Variants in PI4KB observed in about 807,000 individuals in gnomAD.
The protein encoded by PI4KB is phosphatidylinositol 4-kinase beta.
A neutral mutation model predicts 81.4 loss-of-function variants in PI4KB; 23 were observed. The ratio of observed to expected loss-of-function variants is 0.28; its 90% CI spans 0.20 to 0.40. The LOEUF (loss-of-function observed/expected upper bound fraction) is 0.40, where lower values mean the gene tolerates loss of function less well. Among genes scored for constraint, PI4KB ranks in the 10% least tolerant of loss-of-function variants. The pLI is 1.00. For missense variants in PI4KB, 651 were observed against 1,036.6 expected (o/e 0.63, Z 5.11); for synonymous variants, 381 against 406.8 (o/e 0.94, Z 0.76).
At chr1:151,310,171 G>A (rs1339985826) in intron 3 of PI4KB, 40 bp downstream of exon 3, 8 of 1,496,954 alleles carry the variant, frequency 5.3e-6, no homozygotes, top group African/African-American at 1.4e-5. Flanking sequence ...TGCGGCCACT[G>A]GGGGAGCCTG....
chr1:151,316,829 G>A (rs899829943), intron 1 of PI4KB, among the ~76,000 whole-genome samples: 2 of 152,112 alleles, frequency 1.3e-5, no homozygotes, highest in African/African-American at 2.4e-5. Context: ...TGTTGTTGTT[G>A]TTGTTGTTGT....
intron 1 of PI4KB, among the ~76,000 whole-genome samples, chr1:151,321,621 C>T (rs1383533090): frequency 1.3e-5 from 2 of 151,800 alleles, no homozygotes; most frequent in Non-Finnish European, 2.9e-5. Flanking sequence ...CGCCTGTAAT[C>T]CCAGCACTTT....
chr1:151,313,363 T>C lies in PI4KB; in HGVS notation c.909+2210A>G, dbSNP rs191528388. On this transcript the variant is annotated intron_variant, in intron 2 of 11. Coordinates refer to ENST00000368873, the MANE Select transcript of PI4KB (RefSeq NM_001369623.2). ...CTAAATGATGTAAGTATTCACCTAA[T>C]ACCTGCCTCTCAGTGCCATCCATAA... Among the ~76,000 whole-genome samples the C allele has an allele frequency of 5.2e-3, 799 of 152,252 alleles. 23 individuals carry two copies. Among genetic ancestry groups the C allele is most frequent in the Admixed American group, 0.047 (718 of 15,276 alleles).
rs1212802910 is a variant in PI4KB, at chr1:151,294,522, A to C, written c.2035T>G (p.Leu679Val). 6.2e-7 allele frequency: 1 copy of C among 1,613,982 alleles called. No individual in the cohort carries two copies. The highest frequency in any genetic ancestry group is 8.5e-7 in the Non-Finnish European group (1 of 1,179,996). ...VKDRHNGNIL[L>V]DAEGHIIHID... Reference sequence around the variant, plus strand: ...TGGATGATGTGGCCTTCTGCGTCCAAAAGGATATTCCCATTGTGTCTGAGG... The same window carrying C: ...TGGATGATGTGGCCTTCTGCGTCCACAAGGATATTCCCATTGTGTCTGAGG... Residue 679 changes from leucine to valine, a missense_variant, in exon 10 of 12, where the codon TTG (leucine) becomes GTG (valine). Around this residue, in one of 5 missense-constraint regions of PI4KB, gnomAD observed 19 missense variants for 77.8 expected, o/e 0.24. Coordinates refer to ENST00000368873, the MANE Select transcript of PI4KB (RefSeq NM_001369623.2).
intron 9 of PI4KB, among the ~76,000 whole-genome samples, chr1:151,295,257 G>A (rs1188326958): frequency 6.6e-6 from 1 of 152,190 alleles, no homozygotes; most frequent in African/African-American, 2.4e-5. Context: ...CAGCATAACT[G>A]GCCTACTCAG....
At chr1:151,303,705 C>T in intron 5 of PI4KB, 55 bp from the exon 6 acceptor site, 1 of 1,113,458 alleles carries the variant, frequency 9.0e-7, no homozygotes, top group East Asian at 2.4e-5. Context: ...TCCCGTCTTT[C>T]CCCTCCTGCT....
At chr1:151,308,993 A>G (rs929634767) in intron 3 of PI4KB, among the ~76,000 whole-genome samples, 1 of 152,248 alleles carries the variant, frequency 6.6e-6, no homozygotes, top group Non-Finnish European at 1.5e-5. Flanking sequence ...GGAAAAGCTC[A>G]TTCCAGCCTC....
At chr1:151,293,359 T>C (rs1385624475) in intron 11 of PI4KB, 6 of 1,340,462 alleles carry the variant, frequency 4.5e-6, no homozygotes, top group Non-Finnish European at 3.0e-6. Flanking sequence ...TGGGCACTTA[T>C]CTGGTTGCAG....
At chr1:151,300,412 G>GCCTGGC (rs1695161381) in intron 8 of PI4KB, among the ~76,000 whole-genome samples, 1 of 152,188 alleles carries the variant, frequency 6.6e-6, no homozygotes, top group Admixed American at 6.5e-5. Context: ...TTCGAGACCA[G>GCCTGGC]CCTGGCTCAC....
chr1:151,293,431 A>G, intron 11 of PI4KB: 1 of 1,257,586 alleles, frequency 8.0e-7, no homozygotes, highest in South Asian at 1.4e-5. Context: ...TCATGGGGCC[A>G]GATGGGGATG....
At position 151,296,115 on chromosome 1, in the gene PI4KB, G is replaced by A. The variant is rs113393617; in HGVS notation, c.2016-1574C>T. On this transcript the variant is annotated intron_variant, in intron 9 of 11. Coordinates refer to ENST00000368873, the MANE Select transcript of PI4KB (RefSeq NM_001369623.2). ...ACAAAAATTAGCTGGGCGTGGTGGC[G>A]CATGCCTGTAATCCCAGCTAATCAG... is the stretch of plus-strand genomic sequence containing the variant. 9.2e-5 allele frequency among the ~76,000 whole-genome samples: 14 copies of A among 152,182 alleles called. 1 individual carries two copies. The highest frequency in any genetic ancestry group is 3.4e-4 in the African/African-American group (14 of 41,522).
rs180835938 is a variant in PI4KB, at chr1:151,294,649, T to G, written c.2016-108A>C. 7 of 988,792 alleles carry G rather than the reference T, an allele frequency of 7.1e-6. No homozygotes were observed. In the East Asian group the frequency reaches 1.7e-4, roughly 24 times the overall value. The allele number at this position is 988,792 out of a possible 1,614,324, so 61.3% of individuals were successfully genotyped here. A position where few individuals can be genotyped will look rare whatever the true frequency, so the allele number is the denominator to read the frequency against. Reference sequence around the variant, plus strand: ...CATGACACCAGGGAGGGGGGTCCCCTGCCATGTTTCCTGCTGCCCGTAACT... The same window carrying G: ...CATGACACCAGGGAGGGGGGTCCCCGGCCATGTTTCCTGCTGCCCGTAACT... On this transcript the variant is annotated intron_variant, in intron 9 of 11. Transcript: ENST00000368873.
At chr1:151,312,044 G>A (rs587759698) in intron 2 of PI4KB, among the ~76,000 whole-genome samples, 1 of 152,216 alleles carries the variant, frequency 6.6e-6, no homozygotes, top group African/African-American at 2.4e-5. Context: ...AGAGTTCCCC[G>A]ACTAGGCTGA....
At chr1:151,319,961 T>C (rs545865170) in intron 1 of PI4KB, among the ~76,000 whole-genome samples, 4 of 152,352 alleles carry the variant, frequency 2.6e-5, no homozygotes, top group East Asian at 3.9e-4. Context: ...AGAGATTCTT[T>C]AGTCCCTCTG....
chr1:151,314,260 CA>C (rs1412652492), intron 2 of PI4KB, among the ~76,000 whole-genome samples: 2 of 152,178 alleles, frequency 1.3e-5, no homozygotes, highest in Non-Finnish European at 2.9e-5. Flanking sequence ...CCGCATTTTT[CA>C]AAAAGTGCAA....
intron 1 of PI4KB, chr1:151,324,988 C>CTT (rs572033691): frequency 9.2e-3 from 3,376 of 367,862 alleles, no homozygotes; most frequent in Middle Eastern, 0.013. Flanking sequence ...AGGAAAGCTG[C>CTT]TTTTTTTTTT....
In PI4KB at chr1:151,327,286, G is replaced by A. The variant is rs2102039859; in HGVS notation, c.-44C>T. The A allele has an allele frequency of 2.0e-5, 3 of 150,090 alleles. No individual in the cohort carries two copies. The highest frequency in any genetic ancestry group is 3.0e-4 in the East Asian group (2 of 6,592). The allele number at this position is 150,090 out of a possible 1,614,324, so 9.3% of individuals were successfully genotyped here. A position where few individuals can be genotyped will look rare whatever the true frequency, so the allele number is the denominator to read the frequency against. On this transcript the variant is annotated 5_prime_UTR_variant, in exon 1 of 12. Coordinates refer to ENST00000368873, the MANE Select transcript of PI4KB (RefSeq NM_001369623.2). ...AGTAGCTTACCTCTGGGGGACCCCCGCGGAGGGGGTGCGGGCAGTCGCGGT... is the reference window on the plus strand; with the variant it reads ...AGTAGCTTACCTCTGGGGGACCCCCACGGAGGGGGTGCGGGCAGTCGCGGT...
At position 151,316,178 on chromosome 1, in the gene PI4KB, C is replaced by G; in HGVS notation, c.304G>C (p.Asp102His). Residue 102 changes from aspartate (D) to histidine (H), a missense_variant, in exon 2 of 12, where the codon GAT becomes CAT. Physicochemically the swap from Asp to His is moderately conservative, Grantham distance 81. This residue lies in a region of PI4KB where 314 missense variants were observed against 397.8 expected (regional missense o/e 0.79). Transcript: ENST00000368873. Reference protein sequence around the residue: ...DPPAQIREEEDEMGAAVASGT... With the variant: ...DPPAQIREEEHEMGAAVASGT... The stretch of plus-strand genomic sequence containing the variant: ...GAGGCCACAGCGGCCCCCATCTCAT[C>G]TTCCTCCTCCCTGATCTGGGCAGGT... The G allele has an allele frequency of 1.2e-6, 2 of 1,614,064 alleles. No individual in the cohort carries two copies. The highest frequency in any genetic ancestry group is 1.7e-6 in the Non-Finnish European group (2 of 1,179,920).
chr1:151,317,630 C>A (rs1405446363), intron 1 of PI4KB, among the ~76,000 whole-genome samples: 2 of 152,124 alleles, frequency 1.3e-5, no homozygotes, highest in African/African-American at 4.8e-5. Context: ...ACAGATTCTT[C>A]GGGTAGACTG....
Sources: allele counts gnomAD v4.1 joint callset (sites outside exome capture counted in the v4.1 genomes callset), GRCh38; gene constraint gnomAD v4.1.1; regional missense constraint gnomAD v4.1.1; transcripts MANE v1.5; gene names NCBI Gene and HGNC (gene_info 2026-07-23, HGNC 2026-07-21).